The following SNAP91 variants were observed in gnomAD, a reference collection of about 807,000 sequenced individuals.
SNAP91 encodes clathrin coat assembly protein AP180.
Under a neutral mutation model 100.3 loss-of-function variants are expected in SNAP91, and 27 were observed. That is an observed-to-expected ratio of 0.27 (90% CI 0.20 to 0.37). The LOEUF (loss-of-function observed/expected upper bound fraction) is 0.37, where lower values mean the gene tolerates loss of function less well. SNAP91 is among the 10% of genes least tolerant of loss of function. The pLI is 1.00. For missense variants in SNAP91, 986 were observed against 1,123.7 expected (o/e 0.88, Z 1.75); for synonymous variants, 404 against 398.6 (o/e 1.01, Z -0.16).
At chr6:83,558,237 A>C (rs919729354) in intron 28 of SNAP91, among the ~76,000 whole-genome samples, 8 of 152,222 alleles carry the variant, frequency 5.3e-5, no homozygotes, top group Admixed American at 3.3e-4. Flanking sequence ...GCATAATAAC[A>C]GAAATATTTC....
intron 1 of SNAP91, chr6:83,708,180 G>A (rs2099406150): frequency 4.4e-6 from 2 of 459,392 alleles, no homozygotes; most frequent in Admixed American, 4.5e-5. Flanking sequence ...GTGGGCTCCA[G>A]TCGCAGCATC....
chr6:83,673,272 G>C (rs2098814362), intron 2 of SNAP91, among the ~76,000 whole-genome samples: 2 of 152,088 alleles, frequency 1.3e-5, no homozygotes, highest in African/African-American at 4.8e-5. Context: ...GGAAGACTGT[G>C]GGAGATGATT....
chr6:83,585,938 C>T (rs1244944134), intron 22 of SNAP91, among the ~76,000 whole-genome samples: 1 of 151,210 alleles, frequency 6.6e-6, no homozygotes, highest in East Asian at 1.9e-4. Context: ...GCAATCTCTG[C>T]CTCCTGGGTT....
intron 9 of SNAP91, among the ~76,000 whole-genome samples, chr6:83,622,231 G>A (rs1358432597): frequency 3.9e-5 from 6 of 152,008 alleles, no homozygotes; most frequent in African/African-American, 1.2e-4. Context: ...ATGCCATCAT[G>A]TTCTGGATTG....
At chr6:83,638,366 C>T (rs1480652952) in intron 8 of SNAP91, among the ~76,000 whole-genome samples, 1 of 152,026 alleles carries the variant, frequency 6.6e-6, no homozygotes, top group Admixed American at 6.5e-5. Context: ...GGCTGTCTTC[C>T]TTCCCTCTCT....
rs545582665 is a variant in SNAP91 at position 83,682,699 on chromosome 6, C to T, written c.131-17118G>A. Among the ~76,000 whole-genome samples, 604 of 151,888 alleles carry T rather than the reference C, an allele frequency of 4.0e-3. 4 individuals are homozygous for T. The highest frequency in any genetic ancestry group is 0.014 in the African/African-American group (581 of 41,422). On this transcript the variant is annotated intron_variant, in intron 2 of 29. Coordinates refer to ENST00000369694, the MANE Select transcript of SNAP91 (RefSeq NM_001242792.2). Reference sequence around the variant, plus strand: ...CTGCACCCATTAACTCGTCATTTAGCATTAGGTATATCTCCTAATGGTATC... The same window carrying T: ...CTGCACCCATTAACTCGTCATTTAGTATTAGGTATATCTCCTAATGGTATC...
At chr6:83,577,832 C>T (rs1446271675) in intron 24 of SNAP91, among the ~76,000 whole-genome samples, 1 of 152,096 alleles carries the variant, frequency 6.6e-6, no homozygotes, top group Non-Finnish European at 1.5e-5. Flanking sequence ...TTTTTTGTCA[C>T]CACAAAAAGA....
intron 8 of SNAP91, among the ~76,000 whole-genome samples, chr6:83,628,251 G>A (rs1025942075): frequency 1.0e-5 from 1 of 98,488 alleles, no homozygotes; most frequent in Non-Finnish European, 2.1e-5. Flanking sequence ...ATATATCACA[G>A]TTTATTTATC....
At chr6:83,623,469 A>C in intron 8 of SNAP91, 127 bp from the exon 9 acceptor site, 1 of 677,980 alleles carries the variant, frequency 1.5e-6, no homozygotes, top group South Asian at 1.8e-5. Context: ...TTTATGTATC[A>C]CTCTCACTTG....
chr6:83,651,669 T>C (rs1381986951), intron 7 of SNAP91, among the ~76,000 whole-genome samples: 1 of 152,190 alleles, frequency 6.6e-6, no homozygotes, highest in Non-Finnish European at 1.5e-5. Flanking sequence ...TTGTGGTCTC[T>C]ACTGGTGAAT....
intron 24 of SNAP91, among the ~76,000 whole-genome samples, chr6:83,578,874 C>T (rs1041368966): frequency 6.6e-6 from 1 of 152,100 alleles, no homozygotes; most frequent in Admixed American, 6.5e-5. Flanking sequence ...TTAGCTCTTA[C>T]ATTTGGTTGT....
chr6:83,565,376 T>C (rs1001851552), intron 26 of SNAP91, among the ~76,000 whole-genome samples: 2 of 152,162 alleles, frequency 1.3e-5, no homozygotes, highest in Admixed American at 6.5e-5. Context: ...GTTTCCCATA[T>C]ATTTGCCACC....
chr6:83,614,940 G>A (rs1583906993), intron 10 of SNAP91, 78 bp from the exon 11 acceptor site: 3 of 1,183,160 alleles, frequency 2.5e-6, no homozygotes, highest in Admixed American at 2.1e-5. Flanking sequence ...TAAAAAATAG[G>A]GAATAAGCAA....
chr6:83,597,628 A>G (rs1345084582), intron 16 of SNAP91, among the ~76,000 whole-genome samples: 1 of 152,148 alleles, frequency 6.6e-6, no homozygotes, highest in Non-Finnish European at 1.5e-5. Context: ...CCAGCACTCT[A>G]AGACAGAATT....
chr6:83,619,161 A>G (rs2096615005), intron 9 of SNAP91, among the ~76,000 whole-genome samples: 1 of 152,166 alleles, frequency 6.6e-6, no homozygotes, highest in African/African-American at 2.4e-5. Flanking sequence ...CAAGGAATAC[A>G]AGACTATCAA....
At chr6:83,563,160 A>T (rs1057412540) in intron 26 of SNAP91, among the ~76,000 whole-genome samples, 2 of 152,220 alleles carry the variant, frequency 1.3e-5, no homozygotes, top group African/African-American at 4.8e-5. Context: ...ACAATAAAGA[A>T]GTATCCCATG....
At chr6:83,700,734 G>C (rs1345871879) in intron 2 of SNAP91, among the ~76,000 whole-genome samples, 1 of 151,908 alleles carries the variant, frequency 6.6e-6, no homozygotes, top group Non-Finnish European at 1.5e-5. Flanking sequence ...CCAAGTAGCT[G>C]GGACCATGGG....
chr6:83,672,325 T>C (rs1020060607), intron 2 of SNAP91, among the ~76,000 whole-genome samples: 2 of 152,262 alleles, frequency 1.3e-5, no homozygotes, highest in South Asian at 2.1e-4. Context: ...GCAAAGGACA[T>C]GGGACTGGGG....
intron 26 of SNAP91, among the ~76,000 whole-genome samples, chr6:83,561,297 G>T (rs1330563477): frequency 6.6e-6 from 1 of 152,084 alleles, no homozygotes; most frequent in Non-Finnish European, 1.5e-5. Context: ...CTCCTGCCTT[G>T]GCCTCCCAAA....
Sources: gnomAD v4.1 joint callset for allele counts (sites outside exome capture counted in the v4.1 genomes callset) on GRCh38, gnomAD v4.1.1 for gene constraint, MANE v1.5 for transcripts, NCBI Gene and HGNC (gene_info 2026-07-23, HGNC 2026-07-21) for gene names.